The following SLC7A14 variants were observed in gnomAD, a reference collection of about 807,000 sequenced individuals.
SLC7A14 encodes the protein gamma-aminobutyric acid transporter SLC7A14.
Under a neutral mutation model 60.2 loss-of-function variants are expected in SLC7A14, and 37 were observed. That is an observed-to-expected ratio of 0.61 (90% CI 0.47 to 0.81). SLC7A14 has a LOEUF of 0.81. Among genes scored for constraint, SLC7A14 ranks in the 30% least tolerant of loss-of-function variants. The pLI, the probability that SLC7A14 is intolerant of heterozygous loss-of-function variation, is 0.00. For synonymous variants in SLC7A14, 399 were observed against 395.8 expected (o/e 1.01, Z -0.10); for missense variants, 886 against 982.7 (o/e 0.90, Z 1.32).
At position 170,463,760 on chromosome 3, in the gene SLC7A14, C is replaced by T. The variant is rs997223533; in HGVS notation, c.*3295G>A. 2.0e-5 allele frequency: 3 copies of T among 152,222 alleles called. No individual in the cohort carries two copies. The highest frequency in any genetic ancestry group is 4.4e-5 in the Non-Finnish European group (3 of 68,040). 9.4% of individuals were successfully genotyped at this position (152,222 alleles called of 1,614,324 possible). On this transcript the variant is annotated 3_prime_UTR_variant, in exon 8 of 8. Transcript: ENST00000231706. ...TATCTGCCATAGTACATAATAGGCA[C>T]TCCACAAGTAATTGTTGAATAAATA...
chr3:170,469,734 G>T (rs1739830667), intron 7 of SLC7A14, among the ~76,000 whole-genome samples: 2 of 152,050 alleles, frequency 1.3e-5, no homozygotes, highest in African/African-American at 4.8e-5. Flanking sequence ...GCCAAATATT[G>T]CCTCCTACTC....
At position 170,501,122 on chromosome 3, in the gene SLC7A14, G is replaced by T. The variant is rs1231116856; in HGVS notation, c.528C>A (p.Thr176=). The T allele has an allele frequency of 6.2e-7, 1 of 1,614,084 alleles. No individual in the cohort carries two copies. Among genetic ancestry groups the T allele is most frequent in the East Asian group, 2.2e-5 (1 of 44,900 alleles). ...ISRWMADSVG[T]LNGLGKGEES... ...TGGCAGTCTCACCCAGGCCATTGAG[G>T]GTTCCCACGCTGTCCGCCATCCAGC... The change falls in exon 3 of 8, where the codon ACC becomes ACA. Residue 176 remains threonine, a synonymous_variant. Transcript: ENST00000231706.
At chr3:170,470,455 G>A (rs184556132) in intron 7 of SLC7A14, among the ~76,000 whole-genome samples, 314 of 152,074 alleles carry the variant, frequency 2.1e-3, no homozygotes, top group African/African-American at 7.0e-3. Flanking sequence ...TTTCATGTTT[G>A]CCCTGAACCC....
At chr3:170,538,478 G>A (rs751767837) in intron 1 of SLC7A14, among the ~76,000 whole-genome samples, 1 of 152,146 alleles carries the variant, frequency 6.6e-6, no homozygotes, top group African/African-American at 2.4e-5. Flanking sequence ...GTCAGGAACT[G>A]CCATTTCATG....
intron 1 of SLC7A14, among the ~76,000 whole-genome samples, chr3:170,576,914 A>G (rs942207947): frequency 6.6e-6 from 1 of 152,312 alleles, no homozygotes; most frequent in Non-Finnish European, 1.5e-5. Flanking sequence ...TTTGGAAGAA[A>G]CCAGGAGGCC....
rs144985514 is a variant in SLC7A14, at chr3:170,502,577, G to A, written c.305-1232C>T. On this transcript the variant is annotated intron_variant, in intron 2 of 7. Coordinates refer to ENST00000231706, the MANE Select transcript of SLC7A14 (RefSeq NM_020949.3). The stretch of plus-strand genomic sequence containing the variant: ...CAGGGGTGGGATGTAAGAGGATGTA[G>A]GAGGGAACTCAAAGTCAACTTTACC... Among the ~76,000 whole-genome samples, 82 of 152,230 alleles carry A rather than the reference G, an allele frequency of 5.4e-4. 1 individual carries two copies. In the East Asian group the frequency reaches 0.012, roughly 23 times the overall value.
rs534380343 is a variant in SLC7A14, at chr3:170,462,280, G to A, written c.*4775C>T. On this transcript the variant is annotated 3_prime_UTR_variant, in exon 8 of 8. Transcript: ENST00000231706. The stretch of plus-strand genomic sequence containing the variant: ...CTTCTGTTTATGTTGCAGATAAGAG[G>A]TGGTTTCTTGTAAGGTAGACTTCCA... 2 of 152,290 alleles carry A rather than the reference G, an allele frequency of 1.3e-5. No individual in the cohort carries two copies. Among genetic ancestry groups the A allele is most frequent in the South Asian group, 2.1e-4 (1 of 4,818 alleles). The allele number at this position is 152,290 out of a possible 1,614,324, so 9.4% of individuals were successfully genotyped here.
intron 1 of SLC7A14, among the ~76,000 whole-genome samples, chr3:170,538,254 T>C (rs976123297): frequency 6.6e-6 from 1 of 152,208 alleles, no homozygotes; most frequent in Admixed American, 6.5e-5. Context: ...ACTTTGTGCT[T>C]CTGGGTTTGG....
At chr3:170,495,685 C>T in intron 4 of SLC7A14, 1 of 938,756 alleles carries the variant, frequency 1.1e-6, no homozygotes, top group Non-Finnish European at 1.8e-6. Flanking sequence ...GAGGTAGATC[C>T]CAATATCCAG....
At chr3:170,556,842 GT>G (rs1381452865) in intron 1 of SLC7A14, among the ~76,000 whole-genome samples, 1 of 152,126 alleles carries the variant, frequency 6.6e-6, no homozygotes, top group Non-Finnish European at 1.5e-5. Context: ...CACTTCATTG[GT>G]TTTTTCATGT....
chr3:170,575,449 A>G (rs1715064168), intron 1 of SLC7A14, among the ~76,000 whole-genome samples: 1 of 152,190 alleles, frequency 6.6e-6, no homozygotes, highest in Non-Finnish European at 1.5e-5. Context: ...GTTTCTGAAG[A>G]GAATGCTGTA....
intron 1 of SLC7A14, among the ~76,000 whole-genome samples, chr3:170,546,949 G>A (rs1488890545): frequency 6.6e-6 from 1 of 152,116 alleles, no homozygotes; most frequent in African/African-American, 2.4e-5. Flanking sequence ...CACCTGGGGA[G>A]CTTTTAAAAA....
chr3:170,580,617 A>G (rs1715209821), intron 1 of SLC7A14, among the ~76,000 whole-genome samples: 1 of 152,230 alleles, frequency 6.6e-6, no homozygotes, highest in African/African-American at 2.4e-5. Context: ...TTTACCTGGC[A>G]GAGCATCTTA....
intron 7 of SLC7A14, among the ~76,000 whole-genome samples, chr3:170,476,425 C>T (rs1180520941): frequency 6.6e-6 from 1 of 152,230 alleles, no homozygotes; most frequent in African/African-American, 2.4e-5. Context: ...GACTTCTGTG[C>T]CCTCTGGCTG....
chr3:170,562,319 G>C (rs1010201440), intron 1 of SLC7A14, among the ~76,000 whole-genome samples: 2 of 152,178 alleles, frequency 1.3e-5, no homozygotes, highest in Admixed American at 6.5e-5. Context: ...CCATAAAGAA[G>C]AATGAATTCA....
At chr3:170,564,761 A>G (rs1008913430) in intron 1 of SLC7A14, among the ~76,000 whole-genome samples, 2 of 152,332 alleles carry the variant, frequency 1.3e-5, no homozygotes, top group Non-Finnish European at 2.9e-5. Context: ...TGCCTGGTGC[A>G]TACATATTAA....
chr3:170,510,966 T>C (rs897681750), intron 2 of SLC7A14, among the ~76,000 whole-genome samples: 4 of 152,188 alleles, frequency 2.6e-5, no homozygotes, highest in African/African-American at 9.6e-5. Context: ...AGCAGCCCCT[T>C]CTTATTTTAG....
chr3:170,570,991 C>A (rs141397570), intron 1 of SLC7A14, among the ~76,000 whole-genome samples: 1 of 152,084 alleles, frequency 6.6e-6, no homozygotes, highest in African/African-American at 2.4e-5. Flanking sequence ...CTCACCCCTT[C>A]TTTTATTGTT....
intron 4 of SLC7A14, among the ~76,000 whole-genome samples, chr3:170,487,665 G>A (rs1313200077): frequency 6.6e-6 from 1 of 152,112 alleles, no homozygotes; most frequent in African/African-American, 2.4e-5. Flanking sequence ...CAAACCTTCA[G>A]AAGCAAACTT....
Sources: gnomAD v4.1 joint callset for allele counts (sites outside exome capture counted in the v4.1 genomes callset) on GRCh38, gnomAD v4.1.1 for gene constraint, MANE v1.5 for transcripts, NCBI Gene and HGNC (gene_info 2026-07-23, HGNC 2026-07-21) for gene names.